Variants in ERBB4 observed in about 807,000 individuals in gnomAD.
ERBB4 encodes erb-b2 receptor tyrosine kinase 4.
In ERBB4, 42 loss-of-function variants were observed where a neutral mutation model predicts 158.0. The observed-to-expected ratio is 0.27, with a 90% CI of 0.21 to 0.34. The LOEUF (loss-of-function observed/expected upper bound fraction) is 0.34, where lower values mean the gene tolerates loss of function less well. Among genes scored for constraint, ERBB4 ranks in the 10% least tolerant of loss-of-function variants. The pLI is 1.00. For synonymous variants in ERBB4, 583 were observed against 558.7 expected (o/e 1.04, Z -0.61); for missense variants, 1,333 against 1,624.1 (o/e 0.82, Z 3.08).
chr2:211,904,858 T>A (rs1350344624), intron 3 of ERBB4, among the ~76,000 whole-genome samples: 2 of 152,034 alleles, frequency 1.3e-5, no homozygotes, highest in African/African-American at 4.8e-5. Flanking sequence ...TAGACAGGAA[T>A]TACGTGTGGT....
chr2:211,448,805 C>T (rs1163216486), intron 20 of ERBB4, among the ~76,000 whole-genome samples: 3 of 152,194 alleles, frequency 2.0e-5, no homozygotes, highest in Non-Finnish European at 4.4e-5. Flanking sequence ...ACACTGAGGT[C>T]ATGCATCTTC....
At position 211,952,415 on chromosome 2, in the gene ERBB4, G is replaced by A. The variant is rs560320217; in HGVS notation, c.235-4799C>T. 3.7e-4 allele frequency among the ~76,000 whole-genome samples: 56 copies of A among 152,166 alleles called. No individual in the cohort carries two copies. The South Asian group carries it at 0.01, about 28-fold the overall frequency. Reference sequence around the variant, plus strand: ...AAAAAGTGAAGAGATATCTAAAAGCGTAAATTATATGTTATAATGTCTGAT... The same window carrying A: ...AAAAAGTGAAGAGATATCTAAAAGCATAAATTATATGTTATAATGTCTGAT... On this transcript the variant is annotated intron_variant, in intron 2 of 27. Transcript: ENST00000342788.
At chr2:211,572,972 T>C (rs1396890576) in intron 19 of ERBB4, among the ~76,000 whole-genome samples, 2 of 152,170 alleles carry the variant, frequency 1.3e-5, no homozygotes, top group African/African-American at 2.4e-5. Flanking sequence ...TCTCAAAATA[T>C]TCCCACATCT....
chr2:212,196,457 G>C (rs1163247168), intron 1 of ERBB4, among the ~76,000 whole-genome samples: 1 of 151,938 alleles, frequency 6.6e-6, no homozygotes, highest in Non-Finnish European at 1.5e-5. Context: ...AGGCAGGAGA[G>C]GCAGGTATAC....
At chr2:212,331,738 T>C (rs2088184876) in intron 1 of ERBB4, among the ~76,000 whole-genome samples, 1 of 152,016 alleles carries the variant, frequency 6.6e-6, no homozygotes, top group African/African-American at 2.4e-5. Flanking sequence ...TAAATACAAA[T>C]CTTCTTTTGT....
intron 1 of ERBB4, among the ~76,000 whole-genome samples, chr2:212,467,944 T>C (rs1350523937): frequency 6.6e-6 from 1 of 152,216 alleles, no homozygotes; most frequent in Non-Finnish European, 1.5e-5. Flanking sequence ...CAGCATGACC[T>C]GGATGTGAGA....
chr2:212,188,616 C>G (rs531951544), intron 1 of ERBB4, among the ~76,000 whole-genome samples: 1 of 151,998 alleles, frequency 6.6e-6, no homozygotes, highest in Admixed American at 6.6e-5. Context: ...TTTGCTTCAT[C>G]TAGTGCCACC....
intron 3 of ERBB4, among the ~76,000 whole-genome samples, chr2:211,939,719 G>A (rs1160733913): frequency 3.3e-5 from 5 of 152,092 alleles, no homozygotes; most frequent in South Asian, 2.1e-4. Flanking sequence ...AGGCCGAGGC[G>A]GGCGGATCAC....
chr2:211,556,415 A>G (rs1211808539), intron 20 of ERBB4, among the ~76,000 whole-genome samples: 1 of 152,242 alleles, frequency 6.6e-6, no homozygotes, highest in African/African-American at 2.4e-5. Flanking sequence ...TCAGGACCTA[A>G]ATTCAGCACT....
At chr2:211,773,617 TA>T (rs1429373784) in intron 4 of ERBB4, among the ~76,000 whole-genome samples, 1 of 53,258 alleles carries the variant, frequency 1.9e-5, no homozygotes, top group African/African-American at 1.1e-4. Flanking sequence ...TATATATATA[TA>T]TATATATATA....
chr2:211,414,565 A>T (rs1457697798), intron 25 of ERBB4, among the ~76,000 whole-genome samples: 1 of 151,988 alleles, frequency 6.6e-6, no homozygotes, highest in Non-Finnish European at 1.5e-5. Flanking sequence ...ATTTTAATGC[A>T]TGAGATATAA....
chr2:211,761,664 T>C (rs1205285948), intron 4 of ERBB4, among the ~76,000 whole-genome samples: 1 of 152,190 alleles, frequency 6.6e-6, no homozygotes, highest in Admixed American at 6.5e-5. Context: ...TAAATGTCAA[T>C]TAAATACAAA....
intron 3 of ERBB4, among the ~76,000 whole-genome samples, chr2:211,943,920 C>A (rs1315617096): frequency 6.6e-6 from 1 of 151,436 alleles, no homozygotes; most frequent in Non-Finnish European, 1.5e-5. Context: ...CAACCATTAG[C>A]TAGTGTATAA....
chr2:211,803,326 T>A (rs781078712), intron 3 of ERBB4, among the ~76,000 whole-genome samples: 3 of 152,178 alleles, frequency 2.0e-5, no homozygotes, highest in Non-Finnish European at 4.4e-5. Flanking sequence ...ACCATAAAAC[T>A]TCCTATAATT....
chr2:211,788,417 A>G (rs1360086679), intron 3 of ERBB4, among the ~76,000 whole-genome samples: 2 of 152,144 alleles, frequency 1.3e-5, no homozygotes, highest in African/African-American at 4.8e-5. Flanking sequence ...ACATTTTGGT[A>G]TAAATGTTAC....
rs1301298164 is a variant in ERBB4 at position 211,857,184 on chromosome 2, T to C, written c.422-69025A>G. Among the ~76,000 whole-genome samples the C allele has an allele frequency of 5.6e-4, 85 of 152,042 alleles. 2 individuals are homozygous for C. On this transcript the variant is annotated intron_variant, in intron 3 of 27. Coordinates refer to ENST00000342788, the MANE Select transcript of ERBB4 (RefSeq NM_005235.3). ...TTGTGTGTGTGTGTGTGTTTGTGTG[T>C]CTTAGGTATTGTTTCTTTAATAAAA...
chr2:211,909,962 C>A (rs934387516), intron 3 of ERBB4, among the ~76,000 whole-genome samples: 1 of 151,702 alleles, frequency 6.6e-6, no homozygotes, highest in Non-Finnish European at 1.5e-5. Flanking sequence ...CTTGGTCACC[C>A]AGGCTGGAGT....
intron 1 of ERBB4, among the ~76,000 whole-genome samples, chr2:212,155,762 T>C (rs948398218): frequency 6.6e-5 from 10 of 152,132 alleles, no homozygotes; most frequent in African/African-American, 2.2e-4. Context: ...CTGTGTGTCA[T>C]CAATAAATAA....
At chr2:212,008,823 G>T (rs759136818) in intron 2 of ERBB4, among the ~76,000 whole-genome samples, 3 of 152,088 alleles carry the variant, frequency 2.0e-5, no homozygotes, top group Non-Finnish European at 4.4e-5. Context: ...AGCATTCAGA[G>T]AACTATATTT....
Sources: allele counts gnomAD v4.1 joint callset (sites outside exome capture counted in the v4.1 genomes callset), GRCh38; gene constraint gnomAD v4.1.1; transcripts MANE v1.5; gene names NCBI Gene and HGNC (gene_info 2026-07-23, HGNC 2026-07-21).